ADD3: variants seen among roughly 807,000 people sequenced by gnomAD.
ADD3 encodes gamma-adducin.
A neutral mutation model predicts 80.2 loss-of-function variants in ADD3; 25 were observed. The observed-to-expected ratio is 0.31, with a 90% CI of 0.23 to 0.44. The LOEUF (loss-of-function observed/expected upper bound fraction) is 0.44, where lower values mean the gene tolerates loss of function less well. Among genes scored for constraint, ADD3 ranks in the 20% least tolerant of loss-of-function variants. The probability of loss-of-function intolerance (pLI) is 1.00; values close to 1 mark genes in which losing one functional copy is unlikely to be tolerated. For missense variants in ADD3, 829 were observed against 847.5 expected, an observed-to-expected ratio of 0.98 and a Z score of 0.27; for synonymous variants, 284 against 289.6, an observed-to-expected ratio of 0.98 and a Z score of 0.20.
chr10:110,101,781 C>A (rs1378735201), intron 2 of ADD3, among the ~76,000 whole-genome samples: 2 of 151,924 alleles, frequency 1.3e-5, no homozygotes, highest in Non-Finnish European at 2.9e-5. Context: ...AATGAGAGAA[C>A]AGCTTGATTT....
At chr10:110,109,115 A>G (rs1849700641) in intron 2 of ADD3, among the ~76,000 whole-genome samples, 1 of 152,220 alleles carries the variant, frequency 6.6e-6, no homozygotes, top group African/African-American at 2.4e-5. Context: ...GGCATTTACT[A>G]GCTGTATGTC....
chr10:110,013,577 T>C (rs1479602302), intron 1 of ADD3, among the ~76,000 whole-genome samples: 1 of 152,276 alleles, frequency 6.6e-6, no homozygotes, highest in Non-Finnish European at 1.5e-5. Context: ...GTATACTATA[T>C]TAGTGAAACA....
intron 1 of ADD3, among the ~76,000 whole-genome samples, chr10:110,036,214 C>G (rs1168565278): frequency 6.6e-6 from 1 of 152,002 alleles, no homozygotes; most frequent in Non-Finnish European, 1.5e-5. Flanking sequence ...TTCTTATTAG[C>G]TTTTCCTATA....
At chr10:110,063,332 G>A (rs1246639474) in intron 1 of ADD3, among the ~76,000 whole-genome samples, 1 of 152,076 alleles carries the variant, frequency 6.6e-6, no homozygotes, top group East Asian at 1.9e-4. Flanking sequence ...TGGAGAAGCG[G>A]AGTTAAGTAG....
chr10:110,063,735 CATTATATATA>C (rs1564913599), intron 1 of ADD3, among the ~76,000 whole-genome samples: 1 of 52,044 alleles, frequency 1.9e-5, no homozygotes, highest in African/African-American at 6.8e-5. Flanking sequence ...TATATATATT[CATTATATATA>C]TATATATATA....
chr10:110,055,811 A>C (rs1354874295), intron 1 of ADD3, among the ~76,000 whole-genome samples: 11 of 152,356 alleles, frequency 7.2e-5, no homozygotes. Context: ...GTAAAAGTGC[A>C]TTATAAACTT....
At chr10:110,095,849 A>G (rs150905791) in intron 1 of ADD3, among the ~76,000 whole-genome samples, 5 of 152,300 alleles carry the variant, frequency 3.3e-5, no homozygotes, top group African/African-American at 7.2e-5. Context: ...AAAAAAGCCA[A>G]TCCCCAAAGG....
At chr10:110,042,405 G>A (rs1856469840) in intron 1 of ADD3, among the ~76,000 whole-genome samples, 1 of 152,112 alleles carries the variant, frequency 6.6e-6, no homozygotes, top group Non-Finnish European at 1.5e-5. Flanking sequence ...GGCAAGTAAA[G>A]CCTTTCTTGT....
chr10:110,125,120 G>T (rs1851982561), intron 10 of ADD3, among the ~76,000 whole-genome samples: 2 of 152,124 alleles, frequency 1.3e-5, no homozygotes, highest in Admixed American at 6.5e-5. Flanking sequence ...TGTCTTTTCT[G>T]TAGTCTATAA....
intron 1 of ADD3, among the ~76,000 whole-genome samples, chr10:110,085,004 A>G (rs1206300793): frequency 1.3e-5 from 2 of 152,096 alleles, no homozygotes; most frequent in Non-Finnish European, 2.9e-5. Context: ...AGTGGACTGG[A>G]GACTTGGGTT....
chr10:110,028,332 G>A (rs959599761), intron 1 of ADD3, among the ~76,000 whole-genome samples: 1 of 151,908 alleles, frequency 6.6e-6, no homozygotes, highest in Non-Finnish European at 1.5e-5. Context: ...CCAGCACTTT[G>A]GGAGGCTGAG....
Position 110,040,561 on chromosome 10 carries a change from CAT to C in ADD3, c.-30+32266_-30+32267del, listed in dbSNP as rs1222557654. On this transcript the variant is annotated intron_variant, in intron 1 of 14. Transcript: ENST00000356080. The stretch of plus-strand genomic sequence containing the variant: ...TATAGCAAAGATTATGCCGTGGAGA[CAT>C]ATACATACCATGTTGTGGAATTTGG... Among the ~76,000 whole-genome samples, 3 of 152,104 alleles carry C rather than the reference CAT, an allele frequency of 2.0e-5. No homozygotes were observed. In the East Asian group the frequency reaches 5.8e-4, roughly 29 times the overall value.
At chr10:110,023,544 T>C (rs1198382209) in intron 1 of ADD3, among the ~76,000 whole-genome samples, 1 of 152,204 alleles carries the variant, frequency 6.6e-6, no homozygotes, top group South Asian at 2.1e-4. Flanking sequence ...ATATAGTCAC[T>C]GAGGGTCGAA....
chr10:110,098,306 T>G (rs1320164578), intron 1 of ADD3, among the ~76,000 whole-genome samples: 1 of 152,214 alleles, frequency 6.6e-6, no homozygotes, highest in Non-Finnish European at 1.5e-5. Flanking sequence ...ATGTAATGAT[T>G]GGGAGTATTT....
intron 1 of ADD3, among the ~76,000 whole-genome samples, chr10:110,090,259 G>T (rs560777395): frequency 7.5e-6 from 1 of 133,352 alleles, no homozygotes; most frequent in Non-Finnish European, 1.5e-5. Flanking sequence ...TTGCTCTGTC[G>T]CCCAGGCTGG....
At chr10:110,125,412 T>C (rs1346226837) in intron 10 of ADD3, among the ~76,000 whole-genome samples, 1 of 150,162 alleles carries the variant, frequency 6.7e-6, no homozygotes, top group African/African-American at 2.5e-5. Flanking sequence ...TAAACTAAAA[T>C]CTTAAGATAT....
chr10:110,039,383 T>TC (rs1856026962), intron 1 of ADD3, among the ~76,000 whole-genome samples: 1 of 152,014 alleles, frequency 6.6e-6, no homozygotes, highest in Admixed American at 6.6e-5. Context: ...GTGGAGGGAC[T>TC]AATGAGGAAG....
At chr10:110,005,974 A>G (rs1028736081), upstream of ADD3, 1 of 241,068 alleles carries the variant, frequency 4.1e-6, no homozygotes, top group Non-Finnish European at 8.4e-6. Flanking sequence ...CATTGAGAGA[A>G]GCTGCTGCTG....
At chr10:110,056,123 T>A (rs1245142099) in intron 1 of ADD3, among the ~76,000 whole-genome samples, 1 of 152,246 alleles carries the variant, frequency 6.6e-6, no homozygotes, top group East Asian at 1.9e-4. Context: ...CCAGTGTTAA[T>A]GAGATAACTA....
Sources: allele counts gnomAD v4.1 joint callset (sites outside exome capture counted in the v4.1 genomes callset), GRCh38; gene constraint gnomAD v4.1.1; transcripts MANE v1.5; gene names NCBI Gene and HGNC (gene_info 2026-07-23, HGNC 2026-07-21).